The following YAP1 variants were observed in gnomAD, a reference collection of about 807,000 sequenced individuals.
The protein encoded by YAP1 is transcriptional coactivator YAP1.
A neutral mutation model predicts 56.9 loss-of-function variants in YAP1; 5 were observed. The ratio of observed to expected loss-of-function variants is 0.09; its 90% CI spans 0.05 to 0.18. The LOEUF (loss-of-function observed/expected upper bound fraction) is 0.18. Ranked by LOEUF, YAP1 falls within the 10% of genes least tolerant of loss-of-function variation. The pLI is 1.00. For synonymous variants in YAP1, 265 were observed against 248.1 expected (o/e 1.07, Z -0.64); for missense variants, 539 against 651.8 (o/e 0.83, Z 1.88).
intron 4 of YAP1, among the ~76,000 whole-genome samples, chr11:102,193,526 T>G (rs1325415577): frequency 1.3e-5 from 2 of 152,222 alleles, no homozygotes; most frequent in African/African-American, 4.8e-5. Flanking sequence ...TTATCAGTTA[T>G]GGTAAGCAAT....
intron 3 of YAP1, among the ~76,000 whole-genome samples, chr11:102,183,700 T>G (rs1159345991): frequency 1.0e-5 from 1 of 98,004 alleles, no homozygotes; most frequent in Non-Finnish European, 2.2e-5. Flanking sequence ...ATAATGCTGT[T>G]TCTGTGTGTG....
At chr11:102,189,247 T>G (rs538514957) in intron 4 of YAP1, among the ~76,000 whole-genome samples, 2 of 152,240 alleles carry the variant, frequency 1.3e-5, no homozygotes, top group Admixed American at 1.3e-4. Flanking sequence ...TCACCTTGTA[T>G]GTTGTAGATC....
chr11:102,110,610 C>A lies in YAP1; in HGVS notation c.-239C>A, dbSNP rs2135081519. 1 of 238,386 alleles carries A rather than the reference C, an allele frequency of 4.2e-6. No homozygotes were observed. Among genetic ancestry groups the A allele is most frequent in the East Asian group, 1.0e-4 (1 of 9,832 alleles). The allele number at this position is 238,386 out of a possible 1,614,324, so 14.8% of individuals were successfully genotyped here. A position where few individuals can be genotyped will look rare whatever the true frequency, so the allele number is the denominator to read the frequency against. ...TCAGGCGCCGCAGGTCCGAGTGCCT[C>A]GCAGCCCCTCCCGAGGCGCAGCCGC... On this transcript the variant is annotated 5_prime_UTR_variant, in exon 1 of 9. Transcript: ENST00000282441.
Position 102,111,129 on chromosome 11 carries a change from C to T in YAP1, c.281C>T (p.Ser94Phe). 1 of 1,613,338 alleles carries T rather than the reference C, an allele frequency of 6.2e-7. No individual in the cohort carries two copies. Reference protein sequence around the residue: ...VPMRLRKLPDSFFKPPEPKSH... With the variant: ...VPMRLRKLPDFFFKPPEPKSH... ...ATGAGGCTCCGGAAGCTGCCCGACT[C>T]CTTCTTCAAGCCGCCGGAGCCCAAA... The change falls in exon 1 of 9, where the codon TCC (serine) becomes TTC (phenylalanine). Residue 94 changes from serine to phenylalanine, a missense_variant. By Grantham distance (155) the Ser-to-Phe change is radical. Coordinates refer to ENST00000282441, the MANE Select transcript of YAP1 (RefSeq NM_001130145.3).
intron 2 of YAP1, among the ~76,000 whole-genome samples, chr11:102,117,843 A>G (rs1943386886): frequency 6.6e-6 from 1 of 152,214 alleles, no homozygotes; most frequent in Non-Finnish European, 1.5e-5. Flanking sequence ...TTGAGCTTTC[A>G]TTTTAAAAGA....
chr11:102,165,981 A>G (rs1946580653), intron 3 of YAP1, among the ~76,000 whole-genome samples: 1 of 152,210 alleles, frequency 6.6e-6, no homozygotes, highest in Admixed American at 6.5e-5. Context: ...ACTCAAGAGA[A>G]GAGAATATTC....
intron 4 of YAP1, among the ~76,000 whole-genome samples, chr11:102,200,958 T>G (rs1227547050): frequency 6.6e-6 from 1 of 152,152 alleles, no homozygotes; most frequent in Admixed American, 6.5e-5. Context: ...CACTCTTACA[T>G]TACTAGTGAG....
chr11:102,167,090 G>A (rs2135421257), intron 3 of YAP1, among the ~76,000 whole-genome samples: 1 of 152,290 alleles, frequency 6.6e-6, no homozygotes, highest in Admixed American at 6.5e-5. Context: ...ACTACATATA[G>A]CCTAGAGACC....
chr11:102,137,569 A>G (rs1295331349), intron 2 of YAP1, among the ~76,000 whole-genome samples: 2 of 152,204 alleles, frequency 1.3e-5, no homozygotes, highest in East Asian at 3.8e-4. Context: ...AAGACAACAT[A>G]TATGAAAAAT....
chr11:102,220,097 G>A (rs1316855479), intron 6 of YAP1, among the ~76,000 whole-genome samples: 1 of 151,858 alleles, frequency 6.6e-6, no homozygotes, highest in African/African-American at 2.4e-5. Flanking sequence ...GGCTGGGCAT[G>A]GTGGCTCACG....
chr11:102,212,623 C>T (rs757417786), intron 6 of YAP1, among the ~76,000 whole-genome samples: 2 of 151,838 alleles, frequency 1.3e-5, no homozygotes, highest in Non-Finnish European at 2.9e-5. Context: ...TTGCCCTTGT[C>T]GCCCAGGTTG....
intron 2 of YAP1, among the ~76,000 whole-genome samples, chr11:102,135,649 C>A (rs1268115284): frequency 6.6e-6 from 1 of 152,156 alleles, no homozygotes; most frequent in Admixed American, 6.5e-5. Context: ...CTTGGACATC[C>A]CATTGTATTG....
chr11:102,227,769 AAAT>A (rs1814643070), intron 8 of YAP1, among the ~76,000 whole-genome samples, 188 bp downstream of exon 8: 1 of 152,196 alleles, frequency 6.6e-6, no homozygotes, highest in East Asian at 1.9e-4. Context: ...TAGTTTAAAA[AAAT>A]ATATATCATG....
chr11:102,126,306 T>A (rs1302180459), intron 2 of YAP1, among the ~76,000 whole-genome samples: 1 of 152,210 alleles, frequency 6.6e-6, no homozygotes, highest in Non-Finnish European at 1.5e-5. Flanking sequence ...ACTGAATCCT[T>A]GATATGGTTT....
At chr11:102,190,559 G>A (rs982765441) in intron 4 of YAP1, among the ~76,000 whole-genome samples, 2 of 152,182 alleles carry the variant, frequency 1.3e-5, no homozygotes, top group African/African-American at 4.8e-5. Flanking sequence ...CCAGGCGGCA[G>A]AGGTTGCAGT....
At position 102,163,481 on chromosome 11, in the gene YAP1, G is replaced by A. The variant is rs565016169; in HGVS notation, c.688+910G>A. 1.2e-3 allele frequency among the ~76,000 whole-genome samples: 176 copies of A among 152,206 alleles called. 1 individual carries two copies. Among genetic ancestry groups the A allele is most frequent in the African/African-American group, 4.1e-3 (170 of 41,520 alleles). The stretch of plus-strand genomic sequence containing the variant: ...TCTGGGAAGATGTAACATTGTGCCT[G>A]GCATCAGAGATTGGAGCATTTGGGC... On this transcript the variant is annotated intron_variant, in intron 3 of 8. Coordinates refer to ENST00000282441, the MANE Select transcript of YAP1 (RefSeq NM_001130145.3).
chr11:102,118,128 A>T (rs904278305), intron 2 of YAP1, among the ~76,000 whole-genome samples: 2 of 152,182 alleles, frequency 1.3e-5, no homozygotes, highest in Non-Finnish European at 2.9e-5. Context: ...TTATAATTTG[A>T]TTTAAGGAAT....
rs183411006 is a variant in YAP1, at chr11:102,115,888, G to A, written c.572+1494G>A. ...TGAACCTCTCCCTGCTGGGTCACAT[G>A]CTGACCTGGGGAGATTGTTAAACAG... On this transcript the variant is annotated intron_variant, in intron 2 of 8. Transcript: ENST00000282441. Among the ~76,000 whole-genome samples the A allele has an allele frequency of 2.0e-3, 302 of 152,316 alleles. 2 individuals are homozygous for A. The highest frequency in any genetic ancestry group is 7.0e-3 in the African/African-American group (291 of 41,562).
At chr11:102,211,475 G>C (rs1949401635) in intron 6 of YAP1, among the ~76,000 whole-genome samples, 1 of 152,044 alleles carries the variant, frequency 6.6e-6, no homozygotes, top group African/African-American at 2.4e-5. Context: ...TTAAAATATT[G>C]GTTTGTTATA....
Sources: allele counts gnomAD v4.1 joint callset (sites outside exome capture counted in the v4.1 genomes callset), GRCh38; gene constraint gnomAD v4.1.1; transcripts MANE v1.5; gene names NCBI Gene and HGNC (gene_info 2026-07-23, HGNC 2026-07-21).